Variants in STEAP1B observed in about 807,000 individuals in gnomAD.
STEAP1B encodes STEAP family member 1B, also known as STEAP family protein MGC87042.
A neutral mutation model predicts 27.9 loss-of-function variants in STEAP1B; 13 were observed. The observed-to-expected ratio is 0.47, with a 90% CI of 0.30 to 0.74. STEAP1B has a LOEUF of 0.74. Among genes scored for constraint, STEAP1B ranks in the 30% least tolerant of loss-of-function variants. The pLI, the probability that STEAP1B is intolerant of heterozygous loss-of-function variation, is 0.06. For missense variants in STEAP1B, 250 were observed against 298.7 expected, an observed-to-expected ratio of 0.84 and a Z score of 1.20; for synonymous variants, 86 against 107.1, an observed-to-expected ratio of 0.80 and a Z score of 1.22.
At chr7:22,433,716 A>C (rs1434463655) in intron 4 of STEAP1B, among the ~76,000 whole-genome samples, 5 of 152,194 alleles carry the variant, frequency 3.3e-5, no homozygotes, top group Non-Finnish European at 7.3e-5. Context: ...CAGATTTAGG[A>C]CTGTGCTATT....
At chr7:22,456,970 A>T (rs1193677364) in intron 4 of STEAP1B, among the ~76,000 whole-genome samples, 1,245 of 26,054 alleles carry the variant, frequency 0.048, 113 homozygotes, top group African/African-American at 0.11. Context: ...ATATATATAT[A>T]TATTTTTTTT....
At chr7:22,432,373 T>TAATAAATAAATAAATA (rs147989425) in intron 4 of STEAP1B, among the ~76,000 whole-genome samples, 6 of 137,530 alleles carry the variant, frequency 4.4e-5, no homozygotes, top group African/African-American at 8.3e-5. Flanking sequence ...ACCCTATACC[T>TAATAAATAAATAAATA]AATAAATAAA....
intron 4 of STEAP1B, among the ~76,000 whole-genome samples, chr7:22,434,473 GTTTCC>G (rs1785229457): frequency 6.6e-6 from 1 of 152,048 alleles, no homozygotes; most frequent in African/African-American, 2.4e-5. Context: ...ATTCTTGAAT[GTTTCC>G]TTTCTTTCAT....
intron 4 of STEAP1B, among the ~76,000 whole-genome samples, chr7:22,423,133 G>A (rs1260547257): frequency 2.6e-5 from 4 of 152,158 alleles, no homozygotes; most frequent in Non-Finnish European, 5.9e-5. Flanking sequence ...AATGACAAGT[G>A]CTGGCAAGGA....
At chr7:22,465,285 G>A (rs1785757105) in intron 4 of STEAP1B, among the ~76,000 whole-genome samples, 1 of 152,028 alleles carries the variant, frequency 6.6e-6, no homozygotes, top group African/African-American at 2.4e-5. Context: ...AATTTTCCAT[G>A]TAATATTTTC....
chr7:22,461,104 C>G lies in STEAP1B; in HGVS notation c.762+31461G>C, dbSNP rs969490489. On this transcript the variant is annotated intron_variant, in intron 4 of 4. Transcript: ENST00000678116. Reference sequence around the variant, plus strand: ...AGCTGTGTTGGATTGCTCATACCATCCATGGACTTCAAGGAACTGCTTACC... The same window carrying G: ...AGCTGTGTTGGATTGCTCATACCATGCATGGACTTCAAGGAACTGCTTACC... 3.3e-5 allele frequency among the ~76,000 whole-genome samples: 5 copies of G among 152,244 alleles called. No individual in the cohort carries two copies. The East Asian group carries it at 9.6e-4, about 29-fold the overall frequency.
chr7:22,456,972 A>ATATATATATTTTTTTT lies in STEAP1B; in HGVS notation c.762+35592_762+35593insAAAAAAAATATATATA. ...GGCAGCTATATATATATATATATATATTTTTTTTTTTTTTAAGTATCCTGG... is the reference window on the plus strand; with the variant it reads ...GGCAGCTATATATATATATATATATATATATATATTTTTTTTTTTTTTTTTTTTTTAAGTATCCTGG... On this transcript the variant is annotated intron_variant, in intron 4 of 4. Transcript: ENST00000678116. 5.3e-5 allele frequency among the ~76,000 whole-genome samples: 3 copies of ATATATATATTTTTTTT among 57,080 alleles called. 1 individual carries two copies. Among genetic ancestry groups the ATATATATATTTTTTTT allele is most frequent in the African/African-American group, 1.4e-4 (2 of 14,280 alleles). The allele number at this position is 57,080 out of a possible 152,430, so 37.4% of individuals were successfully genotyped here.
intron 4 of STEAP1B, among the ~76,000 whole-genome samples, chr7:22,420,334 A>T (rs1427106516): frequency 1.3e-5 from 2 of 152,060 alleles, no homozygotes; most frequent in Admixed American, 6.6e-5. Context: ...AGCCTGGGGG[A>T]TGATAAAGCA....
chr7:22,436,543 C>CCACCCT (rs1785256883), intron 4 of STEAP1B, among the ~76,000 whole-genome samples: 1 of 149,476 alleles, frequency 6.7e-6, no homozygotes, highest in African/African-American at 2.4e-5. Flanking sequence ...TCTTCCTCCT[C>CCACCCT]CCACCCTCCA....
chr7:22,476,955 C>G (rs1423067836), intron 4 of STEAP1B, among the ~76,000 whole-genome samples: 3 of 152,312 alleles, frequency 2.0e-5, no homozygotes, highest in South Asian at 2.1e-4. Context: ...CCACTCTCAG[C>G]CCCTAGAGGT....
intron 4 of STEAP1B, among the ~76,000 whole-genome samples, chr7:22,458,188 T>G (rs1039357969): frequency 1.3e-5 from 2 of 152,208 alleles, no homozygotes; most frequent in African/African-American, 4.8e-5. Flanking sequence ...CCAGGCACAG[T>G]GCTGGGTGCC....
intron 4 of STEAP1B, among the ~76,000 whole-genome samples, chr7:22,428,163 A>C (rs1043562035): frequency 6.6e-6 from 1 of 152,184 alleles, no homozygotes; most frequent in Non-Finnish European, 1.5e-5. Flanking sequence ...GGCAATCCTG[A>C]GAGAGCTGTC....
chr7:22,469,306 T>A (rs1369630537), intron 4 of STEAP1B, among the ~76,000 whole-genome samples: 1 of 152,166 alleles, frequency 6.6e-6, no homozygotes, highest in Non-Finnish European at 1.5e-5. Flanking sequence ...GTACAGCATG[T>A]TTTAAGCTAA....
intron 4 of STEAP1B, among the ~76,000 whole-genome samples, chr7:22,476,225 G>C (rs1194877226): frequency 6.6e-6 from 1 of 152,130 alleles, no homozygotes; most frequent in Admixed American, 6.5e-5. Context: ...AGACTTAGTG[G>C]CTTAAGCAAC....
chr7:22,499,718 A>G (rs947603762), intron 1 of STEAP1B, among the ~76,000 whole-genome samples: 9 of 152,252 alleles, frequency 5.9e-5, no homozygotes, highest in Admixed American at 5.9e-4. Context: ...AAGTAGCACG[A>G]TTTTAAGTAC....
intron 3 of STEAP1B, among the ~76,000 whole-genome samples, 179 bp from the exon 4 acceptor site, chr7:22,492,908 CT>C (rs1003027362): frequency 3.3e-5 from 5 of 151,968 alleles, no homozygotes; most frequent in Non-Finnish European, 7.4e-5. Context: ...GGAGCTATCA[CT>C]TTTTTTCTTG....
chr7:22,437,406 C>T (rs1562567674), intron 4 of STEAP1B, among the ~76,000 whole-genome samples: 2 of 152,220 alleles, frequency 1.3e-5, no homozygotes, highest in Non-Finnish European at 2.9e-5. Context: ...CTTCCAGGTT[C>T]ATCCATGTTG....
intron 4 of STEAP1B, among the ~76,000 whole-genome samples, chr7:22,451,032 T>C (rs1409435179): frequency 6.6e-6 from 1 of 151,990 alleles, no homozygotes; most frequent in Non-Finnish European, 1.5e-5. Context: ...TTGTCTCCAC[T>C]ACAAATGCAA....
At chr7:22,482,861 A>G (rs1786107212) in intron 4 of STEAP1B, among the ~76,000 whole-genome samples, 1 of 152,216 alleles carries the variant, frequency 6.6e-6, no homozygotes, top group Admixed American at 6.5e-5. Flanking sequence ...TCATAAGTCA[A>G]CAGCAGTTTA....
Sources: gnomAD v4.1 joint callset for allele counts (sites outside exome capture counted in the v4.1 genomes callset) on GRCh38, gnomAD v4.1.1 for gene constraint, MANE v1.5 for transcripts, NCBI Gene and HGNC (gene_info 2026-07-23, HGNC 2026-07-21) for gene names.